UBE2E2: variants seen among roughly 807,000 people sequenced by gnomAD.
The protein encoded by UBE2E2 is ubiquitin-conjugating enzyme E2 E2.
In UBE2E2, 6 loss-of-function variants were observed where a neutral mutation model predicts 24.7. The ratio of observed to expected loss-of-function variants is 0.24; its 90% confidence interval spans 0.13 to 0.48. The LOEUF (loss-of-function observed/expected upper bound fraction) is 0.48. Among genes scored for constraint, UBE2E2 ranks in the 20% least tolerant of loss-of-function variants. The pLI is 0.99. For synonymous variants in UBE2E2, 104 were observed against 83.6 expected (o/e 1.24, Z -1.33); for missense variants, 169 against 245.0 (o/e 0.69, Z 2.07).
At position 23,532,583 on chromosome 3, in the gene UBE2E2, T is replaced by C; in HGVS notation, c.390T>C (p.Cys130=). 6.4e-7 allele frequency: 1 copy of C among 1,550,594 alleles called. No homozygotes were observed. Among genetic ancestry groups the C allele is most frequent in the South Asian group, 1.2e-5 (1 of 80,666 alleles). ...KVTFRTRIYH[C]NINSQGVICL... ...CCTTCCGAACAAGAATCTATCACTG[T>C]AATATTAACAGCCAAGGTGTGATCT... is the stretch of plus-strand genomic sequence containing the variant. Residue 130 remains cysteine, a synonymous_variant, in exon 5 of 6, where the codon TGT becomes TGC. Coordinates refer to ENST00000396703, the MANE Select transcript of UBE2E2 (RefSeq NM_152653.4).
At chr3:23,556,598 A>G (rs577290046) in intron 5 of UBE2E2, among the ~76,000 whole-genome samples, 1 of 152,100 alleles carries the variant, frequency 6.6e-6, no homozygotes, top group Non-Finnish European at 1.5e-5. Flanking sequence ...TATTGTGGAC[A>G]TTTGTTAAGT....
chr3:23,571,280 C>CTCTTTTTTTTTTTTTTTTTTTTTTTTTTT (rs1696217145), intron 5 of UBE2E2, among the ~76,000 whole-genome samples: 6 of 29,866 alleles, frequency 2.0e-4, no homozygotes, highest in African/African-American at 6.2e-4. Context: ...GTGCTCCTTT[C>CTCTTTTTTTTTTTTTTTTTTTTTTTTTTT]TTTTTTTTTT....
At chr3:23,436,184 A>T (rs1698178693) in intron 3 of UBE2E2, among the ~76,000 whole-genome samples, 2 of 103,510 alleles carry the variant, frequency 1.9e-5, no homozygotes, top group Admixed American at 1.6e-4. Flanking sequence ...TCCCTGGGTT[A>T]GATCATTCAA....
chr3:23,307,306 G>A (rs186410961), intron 3 of UBE2E2, among the ~76,000 whole-genome samples: 157 of 152,068 alleles, frequency 1.0e-3, no homozygotes, highest in Non-Finnish European at 1.8e-3. Context: ...TTTTTCTGAC[G>A]CTTTCAGGTC....
intron 4 of UBE2E2, among the ~76,000 whole-genome samples, chr3:23,513,841 G>C (rs1694666328): frequency 6.6e-6 from 1 of 151,884 alleles, no homozygotes; most frequent in Non-Finnish European, 1.5e-5. Context: ...TTTTTTTATT[G>C]AAAGTAAGTG....
At chr3:23,300,834 T>A (rs1699057083) in intron 3 of UBE2E2, among the ~76,000 whole-genome samples, 1 of 152,170 alleles carries the variant, frequency 6.6e-6, no homozygotes, top group Admixed American at 6.5e-5. Context: ...TTGGCCTGCC[T>A]TGCTAGATTG....
chr3:23,203,435 C>T lies in UBE2E2; in HGVS notation c.-38C>T. 2 of 974,946 alleles carry T rather than the reference C, an allele frequency of 2.1e-6. No homozygotes were observed. The highest frequency in any genetic ancestry group is 2.4e-6 in the Non-Finnish European group (2 of 827,398). 60.4% of individuals were successfully genotyped at this position (974,946 alleles called of 1,614,324 possible). ...TCTCTCCCAGGGCTTCGGCTCGAGC[C>T]TGCGACCTGCACGGACACCCCCCCC... is the stretch of plus-strand genomic sequence containing the variant. On this transcript the variant is annotated 5_prime_UTR_variant, in exon 1 of 6. Coordinates refer to ENST00000396703, the MANE Select transcript of UBE2E2 (RefSeq NM_152653.4).
chr3:23,505,140 T>C (rs1301505677), intron 4 of UBE2E2, among the ~76,000 whole-genome samples: 3 of 150,950 alleles, frequency 2.0e-5, no homozygotes, highest in Middle Eastern at 3.4e-3. Context: ...AGGCTGGTCT[T>C]GAACTCCGGG....
chr3:23,330,208 T>G (rs1285000328), intron 3 of UBE2E2, among the ~76,000 whole-genome samples: 1 of 152,214 alleles, frequency 6.6e-6, no homozygotes, highest in African/African-American at 2.4e-5. Context: ...AAAGTTGGTC[T>G]GTAAATATGT....
At chr3:23,411,136 C>G (rs1322633518) in intron 3 of UBE2E2, among the ~76,000 whole-genome samples, 1 of 152,138 alleles carries the variant, frequency 6.6e-6, no homozygotes, top group Non-Finnish European at 1.5e-5. Flanking sequence ...AATGTCTGTT[C>G]CAGGCCTAAG....
chr3:23,466,714 C>T (rs1698927136), intron 3 of UBE2E2, among the ~76,000 whole-genome samples: 1 of 151,942 alleles, frequency 6.6e-6, no homozygotes, highest in African/African-American at 2.4e-5. Flanking sequence ...ACTACAGGCA[C>T]CCACCACCAC....
chr3:23,270,490 A>C (rs1173064866), intron 3 of UBE2E2, among the ~76,000 whole-genome samples: 1 of 152,122 alleles, frequency 6.6e-6, no homozygotes, highest in Non-Finnish European at 1.5e-5. Context: ...GTTCTGGCTC[A>C]CAGATAAACC....
intron 3 of UBE2E2, among the ~76,000 whole-genome samples, chr3:23,392,494 T>C (rs561365397): frequency 3.3e-5 from 5 of 151,898 alleles, no homozygotes; most frequent in East Asian, 1.9e-4. Context: ...TTTCCTCTTA[T>C]AGTTTAAAAA....
intron 3 of UBE2E2, among the ~76,000 whole-genome samples, chr3:23,360,906 C>T (rs976068231): frequency 1.8e-4 from 27 of 149,944 alleles, no homozygotes; most frequent in African/African-American, 5.6e-4. Context: ...GACAACCCAC[C>T]GAGAGAAAAT....
chr3:23,365,313 G>A (rs1267158420), intron 3 of UBE2E2, among the ~76,000 whole-genome samples: 1 of 152,126 alleles, frequency 6.6e-6, no homozygotes, highest in African/African-American at 2.4e-5. Flanking sequence ...AAGAGGAAGA[G>A]AGGAAGTCAA....
rs61093643 is a variant in UBE2E2 at position 23,418,328 on chromosome 3, G to A, written c.228-81280G>A. Among the ~76,000 whole-genome samples the A allele has an allele frequency of 6.5e-4, 99 of 152,252 alleles. 5 individuals are homozygous for A. In the East Asian group the frequency reaches 0.016, roughly 24 times the overall value. On this transcript the variant is annotated intron_variant, in intron 3 of 5. Transcript: ENST00000396703. ...AGGGGAGCGAGTTCCTGGACTCCAT[G>A]TGCTTCCTGGGTAACGCAATGCCCC...
At chr3:23,341,973 ATAG>A (rs367565015) in intron 3 of UBE2E2, among the ~76,000 whole-genome samples, 135 of 152,332 alleles carry the variant, frequency 8.9e-4, no homozygotes, top group African/African-American at 2.6e-3. Flanking sequence ...CTAATAATTG[ATAG>A]TAGGGAAGTA....
intron 3 of UBE2E2, among the ~76,000 whole-genome samples, chr3:23,363,913 A>G (rs986048928): frequency 1.3e-5 from 2 of 151,906 alleles, no homozygotes; most frequent in African/African-American, 4.8e-5. Context: ...ATTCTCAGCA[A>G]CTTAAAAAAA....
chr3:23,292,929 C>T (rs868573076), intron 3 of UBE2E2, among the ~76,000 whole-genome samples: 1 of 152,036 alleles, frequency 6.6e-6, no homozygotes. Context: ...CAAAATTAGC[C>T]GTACGTGGTG....
Sources: allele counts gnomAD v4.1 joint callset (sites outside exome capture counted in the v4.1 genomes callset), GRCh38; gene constraint gnomAD v4.1.1; transcripts MANE v1.5; gene names NCBI Gene and HGNC (gene_info 2026-07-23, HGNC 2026-07-21).